VBP1: variants seen among roughly 807,000 people sequenced by gnomAD.
VBP1 encodes VHL binding protein 1, also known as prefoldin subunit 3.
VBP1 carries 4 observed loss-of-function variants against 15.5 expected under a neutral mutation model. The ratio of observed to expected loss-of-function variants is 0.26; its 90% CI spans 0.13 to 0.59. The LOEUF (loss-of-function observed/expected upper bound fraction) is 0.59, where lower values mean the gene tolerates loss of function less well. Ranked by LOEUF, VBP1 falls within the 20% of genes least tolerant of loss-of-function variation. VBP1 has a pLI of 0.90. For synonymous variants in VBP1, 61 were observed against 52.1 expected (o/e 1.17, Z -0.74); for missense variants, 108 against 139.6 (o/e 0.77, Z 1.14).
intron 1 of VBP1, among the ~76,000 whole-genome samples, chrX:155,201,255 T>G (rs1234447771): frequency 6.5e-4 from 72 of 110,038 alleles, no homozygotes; most frequent in Admixed American, 1.2e-3. Flanking sequence ...CCCTAACTCA[T>G]TTTATGAGAC....
upstream of VBP1, chrX:155,213,341 A>T (rs2074651079): frequency 8.9e-6 from 1 of 111,998 alleles, no homozygotes. Context: ...AAGGAGACAC[A>T]TTCCCCCAGC....
chrX:155,199,645 T>A (rs1262530304), intron 1 of VBP1, among the ~76,000 whole-genome samples: 2 of 111,982 alleles, frequency 1.8e-5, no homozygotes, highest in African/African-American at 6.5e-5. Flanking sequence ...TACCAGCCAC[T>A]GCAAAAACAT....
chrX:155,236,391 C>A (rs1557311577), intron 5 of VBP1, 24 bp downstream of exon 5: 3 of 1,181,887 alleles, frequency 2.5e-6, no homozygotes, highest in Admixed American at 2.5e-5. Context: ...AAACAAAAAG[C>A]AAGGGAAAAA....
At chrX:155,217,005 TC>T (rs2124064012) in intron 1 of VBP1, among the ~76,000 whole-genome samples, 1 of 112,175 alleles carries the variant, frequency 8.9e-6, no homozygotes, top group South Asian at 3.7e-4. Flanking sequence ...ACCGGGAATA[TC>T]ACTTTGTCTG....
At position 155,233,984 on chromosome X, in the gene VBP1, A is replaced by T. The variant is rs2074758638; in HGVS notation, c.385-2245A>T. Among the ~76,000 whole-genome samples the T allele has an allele frequency of 5.4e-5, 6 of 110,991 alleles. No individual in the cohort carries two copies. In the Admixed American group the frequency reaches 5.8e-4, roughly 11 times the overall value. ...CAACCGGAGAAATAGAACCAGTAGG[A>T]TATAGCTAACCTGCATAAACTTGTG... On this transcript the variant is annotated intron_variant, in intron 4 of 5. Transcript: ENST00000286428.
chrX:155,217,516 CT>C (rs782265230), intron 1 of VBP1, among the ~76,000 whole-genome samples: 1 of 111,528 alleles, frequency 9.0e-6, no homozygotes, highest in Non-Finnish European at 1.9e-5. Context: ...TTACCTCTGC[CT>C]TTTTTTTACT....
rs1203094740 is a variant in VBP1, at chrX:155,227,361, T to G, written c.285+60T>G. Reference sequence around the variant, plus strand: ...TAGGATATGTCAGCAGAAACTCGTCTTCTTTGACTCTTTGGTCACTGATAT... The same window carrying G: ...TAGGATATGTCAGCAGAAACTCGTCGTCTTTGACTCTTTGGTCACTGATAT... On this transcript the variant is annotated intron_variant, in intron 3 of 5. Coordinates refer to ENST00000286428, the MANE Select transcript of VBP1 (RefSeq NM_003372.7). 1.2e-5 allele frequency: 10 copies of G among 864,075 alleles called. No individual in the cohort carries two copies. The Admixed American group carries it at 1.3e-4, about 11-fold the overall frequency. The allele number at this position is 864,075 out of a possible 1,213,427, so 71.2% of individuals were successfully genotyped here.
intron 2 of VBP1, among the ~76,000 whole-genome samples, chrX:155,225,494 C>T (rs1557310183): frequency 1.8e-5 from 2 of 112,227 alleles, no homozygotes; most frequent in African/African-American, 3.2e-5. Context: ...ATCACTGTGC[C>T]CAGCCAAGCT....
At chrX:155,207,106 A>T (rs782534298) in intron 1 of VBP1, among the ~76,000 whole-genome samples, 22 of 111,701 alleles carry the variant, frequency 2.0e-4, no homozygotes, top group Non-Finnish European at 3.8e-4. Flanking sequence ...TTATTAGTAT[A>T]ACAGGGCTTG....
intron 2 of VBP1, among the ~76,000 whole-genome samples, chrX:155,210,106 C>G (rs2074639382): frequency 9.0e-6 from 1 of 110,907 alleles, no homozygotes. Context: ...TTCACCTAAC[C>G]CACTCTAGTC....
intron 2 of VBP1, among the ~76,000 whole-genome samples, chrX:155,221,583 A>G (rs2074689683): frequency 8.9e-6 from 1 of 112,282 alleles, no homozygotes; most frequent in Non-Finnish European, 1.9e-5. Flanking sequence ...CACACAAAGT[A>G]GAACAGTAGA....
At chrX:155,229,814 G>C (rs1306368940) in intron 4 of VBP1, among the ~76,000 whole-genome samples, 2 of 111,693 alleles carry the variant, frequency 1.8e-5, no homozygotes, top group Admixed American at 9.5e-5. Flanking sequence ...TCTTTTGCCT[G>C]GTTGCTCAGA....
upstream of VBP1, among the ~76,000 whole-genome samples, chrX:155,214,370 C>T (rs189482607): frequency 9.8e-5 from 11 of 111,984 alleles, no homozygotes; most frequent in Admixed American, 7.6e-4. Context: ...ACAGAATTAA[C>T]GATAAAGAGT....
intron 1 of VBP1, among the ~76,000 whole-genome samples, chrX:155,200,704 A>G (rs1308925387): frequency 9.4e-5 from 10 of 106,246 alleles, no homozygotes; most frequent in Non-Finnish European, 1.9e-4. Flanking sequence ...AAAGAACTAG[A>G]AAAGCAAGAG....
At position 155,228,364 on chromosome X, in the gene VBP1, T is replaced by TC; in HGVS notation, c.286-20_286-19insC. 16 of 832,278 alleles carry TC rather than the reference T, an allele frequency of 1.9e-5. No homozygotes were observed. The highest frequency in any genetic ancestry group is 2.6e-5 in the Non-Finnish European group (16 of 627,123). 68.6% of individuals were successfully genotyped at this position (832,278 alleles called of 1,213,427 possible). A position where few individuals can be genotyped will look rare whatever the true frequency, so the allele number is the denominator to read the frequency against. Reference sequence around the variant, plus strand: ...AACTGGCCTGTTTATGGTACTGTCATTTTTTTTTTTGTTTTGAAGGAGTCC... The same window carrying TC: ...AACTGGCCTGTTTATGGTACTGTCATCTTTTTTTTTTGTTTTGAAGGAGTCC... On this transcript the variant is annotated intron_variant, in intron 3 of 5. Coordinates refer to ENST00000286428, the MANE Select transcript of VBP1 (RefSeq NM_003372.7).
intron 1 of VBP1, among the ~76,000 whole-genome samples, chrX:155,202,080 A>G (rs1320309354): frequency 3.3e-4 from 37 of 111,516 alleles, no homozygotes; most frequent in South Asian, 1.1e-3. Flanking sequence ...TTCAAGGAGA[A>G]CTACAAACCA....
At chrX:155,229,709 T>A (rs2124089779) in intron 4 of VBP1, among the ~76,000 whole-genome samples, 1 of 112,219 alleles carries the variant, frequency 8.9e-6, no homozygotes, top group East Asian at 2.8e-4. Flanking sequence ...TTTCATGTTT[T>A]TCTTCTTTCA....
upstream of VBP1, chrX:155,216,369 G>A (rs1242478947): frequency 8.9e-6 from 10 of 1,118,783 alleles, no homozygotes; most frequent in Non-Finnish European, 1.2e-5. Context: ...CGCTCCCTGC[G>A]CACCAATGAA....
chrX:155,217,906 C>T (rs1304446791), intron 1 of VBP1, among the ~76,000 whole-genome samples: 1 of 111,483 alleles, frequency 9.0e-6, no homozygotes. Context: ...TCATGCTCTG[C>T]TACTGGGAGG....
Sources: gnomAD v4.1 joint callset for allele counts (sites outside exome capture counted in the v4.1 genomes callset) on GRCh38, gnomAD v4.1.1 for gene constraint, MANE v1.5 for transcripts, NCBI Gene and HGNC (gene_info 2026-07-23, HGNC 2026-07-21) for gene names.